NDUFS6: variants seen among roughly 807,000 people sequenced by gnomAD.
NDUFS6 encodes NADH:ubiquinone oxidoreductase subunit S6.
A neutral mutation model predicts 13.2 loss-of-function variants in NDUFS6; 14 were observed. That is an observed-to-expected ratio of 1.06 (90% CI 0.70 to 1.66). NDUFS6 has a LOEUF of 1.66. Ranked by LOEUF, NDUFS6 falls within the 40% of genes most tolerant of loss-of-function variation. The probability of loss-of-function intolerance (pLI) is 0.00; values close to 1 mark genes in which losing one functional copy is unlikely to be tolerated. For missense variants in NDUFS6, 206 were observed against 170.8 expected (o/e 1.21, Z -1.15); for synonymous variants, 95 against 72.3 (o/e 1.31, Z -1.60).
At position 1,801,444 on chromosome 5, in the gene NDUFS6, G is replaced by C. The variant is rs886060512; in HGVS notation, c.27G>C (p.Arg9=). ...TGGCGGCGGCGATGACCTTCTGCCG[G>C]CTGCTGAACCGGTGTGGCGAGGCGG... is the stretch of plus-strand genomic sequence containing the variant. MAAAMTFC[R]LLNRCGEAAR... Residue 9 remains arginine (R), a synonymous_variant, in exon 1 of 4, where the codon CGG becomes CGC. Coordinates refer to ENST00000274137, the MANE Select transcript of NDUFS6 (RefSeq NM_004553.6). The C allele has an allele frequency of 1.9e-6, 3 of 1,605,052 alleles. No homozygotes were observed. The highest frequency in any genetic ancestry group is 1.3e-5 in the African/African-American group (1 of 74,864).
intron 2 of NDUFS6, among the ~76,000 whole-genome samples, chr5:1,811,411 C>T (rs1216419571): frequency 1.3e-5 from 2 of 152,124 alleles, no homozygotes; most frequent in Non-Finnish European, 2.9e-5. Context: ...AATTATCACA[C>T]CTTAAAAATT....
chr5:1,814,289 AGTT>A lies in NDUFS6; in HGVS notation c.187-49_187-47del. On this transcript the variant is annotated intron_variant, in intron 2 of 3. Transcript: ENST00000274137. The surrounding 1 kb of genome is among the most constrained non-coding windows in gnomAD (Gnocchi z 4.9). ...GTGTGTGGTGGGTTAAATTGTATGT[AGTT>A]AGCAAGTTTGTGTATTTGTTTACGT... The A allele has an allele frequency of 1.2e-6, 2 of 1,612,358 alleles. No homozygotes were observed. Among genetic ancestry groups the A allele is most frequent in the East Asian group, 4.5e-5 (2 of 44,874 alleles).
intron 2 of NDUFS6, among the ~76,000 whole-genome samples, chr5:1,806,779 C>G (rs1446506416): frequency 1.3e-5 from 2 of 152,186 alleles, no homozygotes; most frequent in East Asian, 1.9e-4. Context: ...ACTAGGACTT[C>G]CATCCAATCC....
chr5:1,808,308 C>T (rs1044570557), intron 2 of NDUFS6, among the ~76,000 whole-genome samples: 1 of 152,212 alleles, frequency 6.6e-6, no homozygotes, highest in Non-Finnish European at 1.5e-5. Context: ...CTTCTGCATG[C>T]TCCTCCTCCT....
At chr5:1,811,160 C>G (rs769605128) in intron 2 of NDUFS6, among the ~76,000 whole-genome samples, 9 of 152,158 alleles carry the variant, frequency 5.9e-5, no homozygotes, top group Non-Finnish European at 1.0e-4. Context: ...TTGTAACATG[C>G]AAAATATATG....
intron 2 of NDUFS6, among the ~76,000 whole-genome samples, chr5:1,812,539 A>T (rs201043910): frequency 4.3e-5 from 1 of 23,370 alleles, no homozygotes; most frequent in Non-Finnish European, 3.5e-4. Flanking sequence ...CTCCTCTTTT[A>T]ACACAACCTT....
rs747494503 is a variant in NDUFS6 at position 1,814,320 on chromosome 5, G to T, written c.187-19G>T. On this transcript the variant is annotated intron_variant, in intron 2 of 3. Transcript: ENST00000274137. The surrounding 1 kb of genome is among the most constrained non-coding windows in gnomAD (Gnocchi z 4.9). ...CAAGTTTGTGTATTTGTTTACGTAAGTCTTTCTTCTTGTTCCAGGTGAATG... is the reference window on the plus strand; with the variant it reads ...CAAGTTTGTGTATTTGTTTACGTAATTCTTTCTTCTTGTTCCAGGTGAATG... 11 of 1,614,068 alleles carry T rather than the reference G, an allele frequency of 6.8e-6. No individual in the cohort carries two copies. The Admixed American group carries it at 8.3e-5, about 12-fold the overall frequency.
In NDUFS6 at chr5:1,801,441, C is replaced by G; in HGVS notation, c.24C>G (p.Cys8Trp). MAAAMTFCRLLNRCGEAA... is the reference protein window; with the variant it reads MAAAMTFWRLLNRCGEAA... ...AAATGGCGGCGGCGATGACCTTCTG[C>G]CGGCTGCTGAACCGGTGTGGCGAGG... is the stretch of plus-strand genomic sequence containing the variant. Residue 8 changes from cysteine to tryptophan, a missense_variant, in exon 1 of 4, where the codon TGC (cysteine) becomes TGG (tryptophan). Cys to Trp is a radical substitution (Grantham distance 215). Transcript: ENST00000274137. The G allele has an allele frequency of 6.2e-7, 1 of 1,605,010 alleles. No homozygotes were observed.
At chr5:1,803,988 G>T (rs1734087486) in intron 2 of NDUFS6, among the ~76,000 whole-genome samples, 1 of 152,094 alleles carries the variant, frequency 6.6e-6, no homozygotes, top group Admixed American at 6.5e-5. Context: ...CCGTGGAGAA[G>T]GGGAGAAACC....
chr5:1,809,329 C>G (rs1305679665), intron 2 of NDUFS6, among the ~76,000 whole-genome samples: 1 of 152,224 alleles, frequency 6.6e-6, no homozygotes, highest in Non-Finnish European at 1.5e-5. Context: ...TTTTTCTCAC[C>G]TTTCCCCAGG....
chr5:1,810,654 C>T lies in NDUFS6; in HGVS notation c.187-3685C>T, dbSNP rs548583861. ...CTAATGATTCCCTTTTCCCATGTAT[C>T]CAGGCAGTCAGTTTCAACAATTACC... On this transcript the variant is annotated intron_variant, in intron 2 of 3. Coordinates refer to ENST00000274137, the MANE Select transcript of NDUFS6 (RefSeq NM_004553.6). Among the ~76,000 whole-genome samples the T allele has an allele frequency of 1.3e-4, 20 of 152,244 alleles. No homozygotes were observed. In the South Asian group the frequency reaches 3.9e-3, roughly 30 times the overall value.
chr5:1,806,241 C>T (rs1011623213), intron 2 of NDUFS6, among the ~76,000 whole-genome samples: 8 of 152,240 alleles, frequency 5.3e-5, no homozygotes, highest in South Asian at 2.1e-4. Flanking sequence ...GTCAGGATCA[C>T]GGAACAGCTG....
At chr5:1,815,786 T>C in intron 3 of NDUFS6, 65 bp from the exon 4 acceptor site, 1 of 1,495,222 alleles carries the variant, frequency 6.7e-7, no homozygotes, top group Non-Finnish European at 9.3e-7. Context: ...ACATTTTCAA[T>C]GCTTAATATC....
chr5:1,801,785 C>G (rs1734047748), intron 1 of NDUFS6, among the ~76,000 whole-genome samples: 1 of 152,254 alleles, frequency 6.6e-6, no homozygotes, highest in Non-Finnish European at 1.5e-5. Flanking sequence ...GGGAAGTCTC[C>G]CCAGCGGGCA....
intron 3 of NDUFS6, among the ~76,000 whole-genome samples, chr5:1,815,427 G>C (rs977195377): frequency 1.3e-5 from 2 of 152,254 alleles, no homozygotes; most frequent in African/African-American, 4.8e-5. Flanking sequence ...CTTGTTGCCT[G>C]TCCTGAAAAG....
chr5:1,814,830 G>T lies in NDUFS6; in HGVS notation c.309+369G>T, dbSNP rs1187008856. On this transcript the variant is annotated intron_variant, in intron 3 of 3. Transcript: ENST00000274137. The surrounding 1 kb of genome is among the most constrained non-coding windows in gnomAD (Gnocchi z 4.9). ...ATTTCCCACAGCGCTGGAGGCTGCA[G>T]CCCAAGACCACCGTGCCGCTCTGTG... 3.2e-6 allele frequency: 2 copies of T among 629,026 alleles called. No individual in the cohort carries two copies. The highest frequency in any genetic ancestry group is 5.7e-6 in the Non-Finnish European group (2 of 350,674). The allele number at this position is 629,026 out of a possible 1,614,324, so 39.0% of individuals were successfully genotyped here.
In NDUFS6 at chr5:1,814,333, T is replaced by C. The variant is rs1213181238; in HGVS notation, c.187-6T>C. 1.2e-6 allele frequency: 2 copies of C among 1,614,092 alleles called. No homozygotes were observed. The highest frequency in any genetic ancestry group is 3.3e-5 in the Admixed American group (2 of 60,006). On this transcript the variant is annotated splice_polypyrimidine_tract_variant and splice_region_variant and intron_variant, in intron 2 of 3. Coordinates refer to ENST00000274137, the MANE Select transcript of NDUFS6 (RefSeq NM_004553.6). The surrounding 1 kb of genome is among the most constrained non-coding windows in gnomAD (Gnocchi z 4.9). ...TTGTTTACGTAAGTCTTTCTTCTTGTTCCAGGTGAATGAAAACTTTGCCAT... is the reference window on the plus strand; with the variant it reads ...TTGTTTACGTAAGTCTTTCTTCTTGCTCCAGGTGAATGAAAACTTTGCCAT...
rs1187008856 is a variant in NDUFS6, at chr5:1,814,830, G to A, written c.309+369G>A. On this transcript the variant is annotated intron_variant, in intron 3 of 3. Transcript: ENST00000274137. The surrounding 1 kb of genome is among the most constrained non-coding windows in gnomAD (Gnocchi z 4.9). ...ATTTCCCACAGCGCTGGAGGCTGCA[G>A]CCCAAGACCACCGTGCCGCTCTGTG... 1.6e-6 allele frequency: 1 copy of A among 629,144 alleles called. No homozygotes were observed. The highest frequency in any genetic ancestry group is 2.9e-6 in the Non-Finnish European group (1 of 350,666). The allele number at this position is 629,144 out of a possible 1,614,324, so 39.0% of individuals were successfully genotyped here.
In NDUFS6 at chr5:1,809,976, G is replaced by A. The variant is rs7701660; in HGVS notation, c.187-4363G>A. Among the ~76,000 whole-genome samples the A allele has an allele frequency of 4.7e-3, 719 of 152,372 alleles. 3 individuals carry two copies. Among genetic ancestry groups the A allele is most frequent in the African/African-American group, 0.017 (696 of 41,588 alleles). ...TGTGTTTCTGGAAATAGATCTTCAA[G>A]GAAAAGCTTTACACAATGGTCATCT... On this transcript the variant is annotated intron_variant, in intron 2 of 3. Transcript: ENST00000274137.
Sources: allele counts gnomAD v4.1 joint callset (sites outside exome capture counted in the v4.1 genomes callset), GRCh38; gene constraint gnomAD v4.1.1; non-coding constraint Gnocchi (gnomAD v3.1); transcripts MANE v1.5; gene names NCBI Gene and HGNC (gene_info 2026-07-23, HGNC 2026-07-21).